Variants in SCN11A observed in about 807,000 individuals in gnomAD.
SCN11A encodes the protein sodium channel protein type 11 subunit alpha.
SCN11A carries 122 observed loss-of-function variants against 162.2 expected under a neutral mutation model. The ratio of observed to expected loss-of-function variants is 0.75; its 90% confidence interval spans 0.65 to 0.87. SCN11A has a LOEUF of 0.87. SCN11A is among the 40% of genes least tolerant of loss of function. The pLI is 0.00. For synonymous variants in SCN11A, 758 were observed against 751.5 expected (o/e 1.01, Z -0.14); for missense variants, 2,015 against 2,181.6 (o/e 0.92, Z 1.52).
chr3:38,930,187 T>G (rs571986923), intron 7 of SCN11A, among the ~76,000 whole-genome samples: 2 of 152,296 alleles, frequency 1.3e-5, no homozygotes, highest in South Asian at 4.1e-4. Flanking sequence ...GAAGTGGACC[T>G]TTTCTGGTAA....
At chr3:38,926,544 C>A (rs2066144032) in intron 8 of SCN11A, among the ~76,000 whole-genome samples, 1 of 151,816 alleles carries the variant, frequency 6.6e-6, no homozygotes, top group Non-Finnish European at 1.5e-5. Flanking sequence ...AGAGCCTGGC[C>A]CATAACAGGC....
intron 23 of SCN11A, among the ~76,000 whole-genome samples, chr3:38,879,254 A>G (rs888021489): frequency 3.3e-5 from 5 of 152,224 alleles, no homozygotes; most frequent in Non-Finnish European, 7.3e-5. Context: ...ATGACAACTA[A>G]AAGAGAGAAG....
intron 24 of SCN11A, 21 bp downstream of exon 24, chr3:38,872,172 C>G (rs1262251140): frequency 7.3e-7 from 1 of 1,362,932 alleles, no homozygotes; most frequent in African/African-American, 1.4e-5. Flanking sequence ...GAACTTCTAC[C>G]CATTCTTCTG....
At chr3:38,910,927 A>C (rs2065878546) in intron 11 of SCN11A, among the ~76,000 whole-genome samples, 1 of 152,234 alleles carries the variant, frequency 6.6e-6, no homozygotes, top group South Asian at 2.1e-4. Flanking sequence ...TTTAATAAAT[A>C]GTATTTTAAT....
intron 28 of SCN11A, among the ~76,000 whole-genome samples, chr3:38,851,563 C>A (rs1419557330): frequency 2.0e-5 from 3 of 152,182 alleles, no homozygotes; most frequent in Non-Finnish European, 4.4e-5. Flanking sequence ...TGCTGTGAAG[C>A]ACTACTTTGT....
intron 28 of SCN11A, among the ~76,000 whole-genome samples, chr3:38,861,464 G>A (rs2064962758): frequency 1.3e-5 from 2 of 152,088 alleles, no homozygotes; most frequent in African/African-American, 4.8e-5. Context: ...AACAAATTTG[G>A]AGGCATCACA....
chr3:38,906,923 G>C (rs554526475), intron 14 of SCN11A, among the ~76,000 whole-genome samples: 5 of 152,156 alleles, frequency 3.3e-5, no homozygotes, highest in African/African-American at 1.2e-4. Flanking sequence ...GCATGCATGA[G>C]CGTGCGTGCA....
At chr3:38,897,324 G>T in intron 17 of SCN11A, 99 bp from the exon 18 acceptor site, 1 of 1,210,716 alleles carries the variant, frequency 8.3e-7, no homozygotes, top group Non-Finnish European at 1.1e-6. Context: ...CCAAACTTAT[G>T]ACATCCAAAA....
intron 23 of SCN11A, among the ~76,000 whole-genome samples, chr3:38,876,727 A>G (rs906994114): frequency 2.4e-4 from 36 of 152,074 alleles, no homozygotes; most frequent in African/African-American, 7.5e-4. Flanking sequence ...ATGTGGTGAA[A>G]AGAGAACACT....
chr3:39,035,431 T>C (rs1414880397), intron 1 of SCN11A, among the ~76,000 whole-genome samples: 7 of 152,200 alleles, frequency 4.6e-5, no homozygotes, highest in Non-Finnish European at 1.0e-4. Flanking sequence ...TCTCTTGCCG[T>C]ATATAAAAAT....
At chr3:39,013,091 G>A (rs2031191577) in intron 2 of SCN11A, among the ~76,000 whole-genome samples, 1 of 152,086 alleles carries the variant, frequency 6.6e-6, no homozygotes, top group East Asian at 1.9e-4. Flanking sequence ...TAAATACCAG[G>A]TGACAGTTTG....
rs1226458599 is a variant in SCN11A at position 39,047,069 on chromosome 3, C to CT, written c.-404+4791dup. On this transcript the variant is annotated intron_variant, in intron 1 of 29. Coordinates refer to ENST00000302328, the MANE Select transcript of SCN11A (RefSeq NM_001349253.2). ...ATCCCCCCACCCCCACCCCCACCCC[C>CT]TTTTTTTTTTTTAAGACTGGGTCTT... Among the ~76,000 whole-genome samples, 408 of 121,578 alleles carry CT rather than the reference C, an allele frequency of 3.4e-3. 7 individuals are homozygous for CT. The highest frequency in any genetic ancestry group is 5.8e-3 in the African/African-American group (190 of 32,824). 79.8% of individuals were successfully genotyped at this position (121,578 alleles called of 152,430 possible). A position where few individuals can be genotyped will look rare whatever the true frequency, so the allele number is the denominator to read the frequency against.
At chr3:39,025,238 T>C (rs2125608617) in intron 2 of SCN11A, among the ~76,000 whole-genome samples, 1 of 152,282 alleles carries the variant, frequency 6.6e-6, no homozygotes, top group Non-Finnish European at 1.5e-5. Context: ...AGGCTGCTTC[T>C]GAGACCTTCC....
intron 9 of SCN11A, among the ~76,000 whole-genome samples, chr3:38,921,471 A>G (rs546303834): frequency 1.3e-4 from 20 of 152,334 alleles, no homozygotes; most frequent in Non-Finnish European, 2.1e-4. Flanking sequence ...TTGAGACTCA[A>G]TCTCTCTATT....
chr3:39,049,612 G>T (rs557133238), intron 1 of SCN11A, among the ~76,000 whole-genome samples: 2 of 152,158 alleles, frequency 1.3e-5, no homozygotes, highest in African/African-American at 2.4e-5. Context: ...AACACCCAGC[G>T]GTGGCTTGGT....
At chr3:39,013,956 G>T (rs1310411237) in intron 2 of SCN11A, among the ~76,000 whole-genome samples, 1 of 152,250 alleles carries the variant, frequency 6.6e-6, no homozygotes, top group Non-Finnish European at 1.5e-5. Flanking sequence ...TAACACTGCA[G>T]CCTCAGTCCT....
At chr3:38,999,449 G>A (rs929959465) in intron 2 of SCN11A, among the ~76,000 whole-genome samples, 1 of 152,104 alleles carries the variant, frequency 6.6e-6, no homozygotes, top group Admixed American at 6.6e-5. Context: ...TTTTCTCCAG[G>A]ACCTCTCCTA....
intron 17 of SCN11A, among the ~76,000 whole-genome samples, chr3:38,899,378 G>A (rs73068510): frequency 0.23 from 35,346 of 152,104 alleles, 5,027 homozygotes; most frequent in African/African-American, 0.4. Flanking sequence ...AAACTGGATA[G>A]CAGGCAAAGA....
intron 2 of SCN11A, among the ~76,000 whole-genome samples, chr3:38,989,470 C>T (rs2030382263): frequency 6.6e-6 from 1 of 152,228 alleles, no homozygotes; most frequent in African/African-American, 2.4e-5. Context: ...ACAACCCGTG[C>T]ATCTGTCCAC....
Sources: allele counts gnomAD v4.1 joint callset (sites outside exome capture counted in the v4.1 genomes callset), GRCh38; gene constraint gnomAD v4.1.1; transcripts MANE v1.5; gene names NCBI Gene and HGNC (gene_info 2026-07-23, HGNC 2026-07-21).